KDM5A: variants seen among roughly 807,000 people sequenced by gnomAD.
KDM5A encodes lysine demethylase 5A.
Under a neutral mutation model 193.5 loss-of-function variants are expected in KDM5A, and 42 were observed. That is an observed-to-expected ratio of 0.22 (90% CI 0.17 to 0.28). The LOEUF is 0.28. KDM5A is among the 10% of genes least tolerant of loss of function. The pLI, the probability that KDM5A is intolerant of heterozygous loss-of-function variation, is 1.00. For synonymous variants in KDM5A, 796 were observed against 718.1 expected (o/e 1.11, Z -1.73); for missense variants, 1,692 against 2,055.1 (o/e 0.82, Z 3.42).
At chr12:306,610 G>C (rs1455257276) in intron 24 of KDM5A, among the ~76,000 whole-genome samples, 2 of 151,970 alleles carry the variant, frequency 1.3e-5, no homozygotes, top group African/African-American at 2.4e-5. Flanking sequence ...AGGCAGAGTG[G>C]CATGCACCTG....
At chr12:353,467 TTTC>T (rs1359020571) in intron 8 of KDM5A, among the ~76,000 whole-genome samples, 2 of 152,224 alleles carry the variant, frequency 1.3e-5, no homozygotes, top group African/African-American at 4.8e-5. Flanking sequence ...AAACTATGTT[TTTC>T]TTCATTTTTA....
chr12:320,457 C>T (rs565840689), intron 18 of KDM5A, among the ~76,000 whole-genome samples: 1 of 152,270 alleles, frequency 6.6e-6, no homozygotes, highest in African/African-American at 2.4e-5. Context: ...GATCTCGCCA[C>T]TGCACTCCAG....
At position 309,833 on chromosome 12, in the gene KDM5A, T is replaced by A. The variant is rs1253643084; in HGVS notation, c.3348A>T (p.Gly1116=). 2 of 1,614,140 alleles carry A rather than the reference T, an allele frequency of 1.2e-6. No individual in the cohort carries two copies. Among genetic ancestry groups the A allele is most frequent in the Non-Finnish European group, 1.7e-6 (2 of 1,180,012 alleles). ...DLEPLSDLEE[G]LEETRDTAMV... The stretch of plus-strand genomic sequence containing the variant: ...TGGCTGTATCTCTGGTTTCCTCCAA[T>A]CCTTCCTCCAGATCACTCAGAGGCT... Residue 1116 remains glycine (G), a synonymous_variant, in exon 22 of 28, where the codon GGA becomes GGT. Transcript: ENST00000399788.
intron 24 of KDM5A, 64 bp from the exon 25 acceptor site, chr12:297,264 C>T (rs1204137905): frequency 6.8e-7 from 1 of 1,463,666 alleles, no homozygotes; most frequent in African/African-American, 1.4e-5. Flanking sequence ...ATGACAAGGC[C>T]CAAAATGGAG....
At chr12:388,216 GTA>G (rs1944670506) in intron 1 of KDM5A, 2 of 451,806 alleles carry the variant, frequency 4.4e-6, no homozygotes, top group Non-Finnish European at 8.9e-6. Flanking sequence ...ACAAGGGATA[GTA>G]TCTGTTTTCC....
At chr12:297,891 T>C (rs1943393343) in intron 24 of KDM5A, among the ~76,000 whole-genome samples, 3 of 152,140 alleles carry the variant, frequency 2.0e-5, no homozygotes, top group Admixed American at 1.3e-4. Context: ...CCTCGTTCTG[T>C]CCAGGAATAT....
At chr12:383,383 T>A (rs1202594141) in intron 3 of KDM5A, among the ~76,000 whole-genome samples, 1 of 151,930 alleles carries the variant, frequency 6.6e-6, no homozygotes, top group Non-Finnish European at 1.5e-5. Flanking sequence ...CCCAGTTAGC[T>A]TTTCTGTATT....
At chr12:322,381 G>A (rs758092836) in intron 17 of KDM5A, 36 bp downstream of exon 17, 1 of 1,601,600 alleles carries the variant, frequency 6.2e-7, no homozygotes, top group East Asian at 2.2e-5. Context: ...AAAGAAACAG[G>A]AAAACACTGG....
At chr12:286,168 AT>A (rs765050147) in intron 27 of KDM5A, 14 of 509,548 alleles carry the variant, frequency 2.7e-5, no homozygotes, top group Non-Finnish European at 4.9e-5. Flanking sequence ...TAAAACTAAT[AT>A]TTTTTATTCT....
Position 334,442 on chromosome 12 carries a change from T to C in KDM5A, c.1309-20A>G, listed in dbSNP as rs1374153280. ...ATATTCCTATAAGAGAAGAAAAAAC[T>C]GTAAATGAAAGATCAGAAATGAAAA... On this transcript the variant is annotated intron_variant, in intron 10 of 27. Coordinates refer to ENST00000399788, the MANE Select transcript of KDM5A (RefSeq NM_001042603.3). 1.9e-6 allele frequency: 3 copies of C among 1,602,766 alleles called. No homozygotes were observed. The highest frequency in any genetic ancestry group is 2.2e-5 in the South Asian group (2 of 90,814).
At chr12:356,599 C>A (rs1351780124) in intron 5 of KDM5A, 62 bp from the exon 6 acceptor site, 1 of 1,106,550 alleles carries the variant, frequency 9.0e-7, no homozygotes, top group Non-Finnish European at 1.4e-6. Flanking sequence ...AATTTTTTTA[C>A]CCAAGGAAAG....
At chr12:321,130 G>C (rs145317172) in intron 17 of KDM5A, 21 bp from the exon 18 acceptor site, 3 of 1,542,556 alleles carry the variant, frequency 1.9e-6, no homozygotes, top group East Asian at 2.2e-5. Flanking sequence ...ATAATATTGA[G>C]ATATAAGTAA....
At chr12:298,165 C>T (rs950819651) in intron 24 of KDM5A, among the ~76,000 whole-genome samples, 1 of 152,182 alleles carries the variant, frequency 6.6e-6, no homozygotes, top group Non-Finnish European at 1.5e-5. Flanking sequence ...AAGAGAGCAG[C>T]GGATCTCCCA....
At chr12:384,697 T>G (rs1565554974) in intron 2 of KDM5A, among the ~76,000 whole-genome samples, 1 of 152,240 alleles carries the variant, frequency 6.6e-6, no homozygotes, top group Non-Finnish European at 1.5e-5. Flanking sequence ...AGTTGTCATA[T>G]TAGCAACCAA....
intron 10 of KDM5A, among the ~76,000 whole-genome samples, chr12:344,041 C>G (rs1944038988): frequency 6.6e-6 from 1 of 152,206 alleles, no homozygotes; most frequent in Admixed American, 6.5e-5. Flanking sequence ...AAATCGCTAA[C>G]TAGAATAAAC....
rs969377274 is a variant in KDM5A, at chr12:384,803, T to C, written c.244-650A>G. Among the ~76,000 whole-genome samples the C allele has an allele frequency of 3.6e-4, 55 of 152,364 alleles. 1 individual carries two copies. Among genetic ancestry groups the C allele is most frequent in the African/African-American group, 1.2e-3 (48 of 41,586 alleles). ...CTAACGTTCTGTCATTTCATCCATA[T>C]GTAACATGCACACTTTAGGTGCATC... On this transcript the variant is annotated intron_variant, in intron 2 of 27. Transcript: ENST00000399788.
At position 388,901 on chromosome 12, in the gene KDM5A, C is replaced by T. The variant is rs762592653; in HGVS notation, c.165+26G>A. 8 of 1,613,058 alleles carry T rather than the reference C, an allele frequency of 5.0e-6. No individual in the cohort carries two copies. In the East Asian group the frequency reaches 1.6e-4, roughly 31 times the overall value. ...CGGACTCCCCCATTCTTCCTTCTCC[C>T]CCTCTCTCTTCACAGACTGAGGTAC... On this transcript the variant is annotated intron_variant, in intron 1 of 27. Coordinates refer to ENST00000399788, the MANE Select transcript of KDM5A (RefSeq NM_001042603.3).
intron 3 of KDM5A, among the ~76,000 whole-genome samples, chr12:372,683 A>T (rs1446463803): frequency 6.6e-6 from 1 of 152,188 alleles, no homozygotes; most frequent in Non-Finnish European, 1.5e-5. Flanking sequence ...TTTCAAAGGG[A>T]ATGCTTCCAG....
At chr12:322,978 C>G (rs1943737087) in intron 16 of KDM5A, 104 bp downstream of exon 16, 2 of 1,461,614 alleles carry the variant, frequency 1.4e-6, no homozygotes, top group East Asian at 4.6e-5. Context: ...CATAGGAAGC[C>G]TAGGATTTTT....
Sources: allele counts gnomAD v4.1 joint callset (sites outside exome capture counted in the v4.1 genomes callset), GRCh38; gene constraint gnomAD v4.1.1; transcripts MANE v1.5; gene names NCBI Gene and HGNC (gene_info 2026-07-23, HGNC 2026-07-21).